The following MRFAP1L2 variants were observed in gnomAD, a reference collection of about 807,000 sequenced individuals.
MRFAP1L2 encodes the protein Morf4 family associated protein 1 like 2, also known as MORF4 family-associated protein 1-like protein UPP.
At chr4:6,674,155 G>C in the MRFAP1L2 span, 18 of 384,876 alleles carry the variant, frequency 4.7e-5, no homozygotes, top group African/African-American at 3.5e-4. Context: ...AGGCTTCCGC[G>C]CTCGCTGCTG....
At chr4:6,674,368 C>A in the MRFAP1L2 span, 27 of 647,348 alleles carry the variant, frequency 4.2e-5, no homozygotes, top group Non-Finnish European at 5.8e-5. Context: ...TGCTGGAGAT[C>A]CAGAGCCTGC....
At chr4:6,674,367 TC>T in the MRFAP1L2 span, 1 of 646,440 alleles carries the variant, frequency 1.5e-6, no homozygotes, top group Non-Finnish European at 2.8e-6. Context: ...CTGCTGGAGA[TC>T]CAGAGCCTGC....
chr4:6,674,302 C>T, the MRFAP1L2 span: 4 of 581,516 alleles, frequency 6.9e-6, no homozygotes, highest in East Asian at 3.5e-5. Flanking sequence ...GCCGCGAGAA[C>T]CTGGCCTCCC....
chr4:6,674,210 G>A, the MRFAP1L2 span: 1 of 396,754 alleles, frequency 2.5e-6, no homozygotes. Context: ...AGGCGGCGGC[G>A]TGATGCGGCC....
chr4:6,675,093 C>T, the MRFAP1L2 span: 1 of 152,488 alleles, frequency 6.6e-6, no homozygotes, highest in East Asian at 1.9e-4. Context: ...TGTTTTTCTG[C>T]CTGCGTTTTC....
the MRFAP1L2 span, chr4:6,674,410 G>A: frequency 1.5e-6 from 1 of 654,736 alleles, no homozygotes; most frequent in Admixed American, 2.3e-5. Context: ...TGGAGGCAGA[G>A]GAGCGGGGCG....
chr4:6,675,784 G>A, the MRFAP1L2 span: 1 of 152,116 alleles, frequency 6.6e-6, no homozygotes, highest in Non-Finnish European at 1.5e-5. Flanking sequence ...ACCTCTTCAG[G>A]GGCCCAGAGT....
chr4:6,674,327 G>T, the MRFAP1L2 span: 5 of 625,200 alleles, frequency 8.0e-6, no homozygotes, highest in Non-Finnish European at 1.4e-5. Flanking sequence ...GCGCGAGCGC[G>T]CCCGGGCGCA....
chr4:6,674,586 C>G, the MRFAP1L2 span: 6 of 627,490 alleles, frequency 9.6e-6, no homozygotes, highest in African/African-American at 1.2e-4. Context: ...GGCGAGGCCG[C>G]GCGGGTCTGG....
At chr4:6,674,259 C>T in the MRFAP1L2 span, 18 of 442,582 alleles carry the variant, frequency 4.1e-5, no homozygotes, top group Admixed American at 1.7e-4. Context: ...CGCGAGGAGC[C>T]GGGCAGCCCG....
chr4:6,675,008 A>T, the MRFAP1L2 span: 1 of 156,174 alleles, frequency 6.4e-6, no homozygotes, highest in Non-Finnish European at 1.4e-5. Context: ...CAACTGACGA[A>T]CTGTGTTCAC....
the MRFAP1L2 span, chr4:6,674,181 G>T: frequency 5.1e-6 from 2 of 390,750 alleles, no homozygotes; most frequent in Non-Finnish European, 4.5e-6. Flanking sequence ...CAGCCCCGGC[G>T]TGCCCCGCGG....
chr4:6,675,520 T>C, the MRFAP1L2 span: 4 of 152,184 alleles, frequency 2.6e-5, no homozygotes, highest in African/African-American at 9.7e-5. Context: ...AGAGTGGCAG[T>C]GTGTGGATTT....
chr4:6,674,992 G>A, the MRFAP1L2 span: 1,079 of 158,098 alleles, frequency 6.8e-3, 7 homozygotes, highest in South Asian at 0.025. Flanking sequence ...TTGTACTTTA[G>A]GTGGCCAACT....
At chr4:6,674,087 C>G in the MRFAP1L2 span, 1 of 387,172 alleles carries the variant, frequency 2.6e-6, no homozygotes, top group Non-Finnish European at 4.6e-6. Flanking sequence ...TTTTGGATAC[C>G]GTCCTCGCTG....
the MRFAP1L2 span, chr4:6,674,836 C>T: frequency 4.8e-6 from 2 of 412,696 alleles, no homozygotes; most frequent in South Asian, 9.6e-5. Context: ...ATGCTGGAAA[C>T]GTGTGAATGT....
At chr4:6,675,835 A>G in the MRFAP1L2 span, 1 of 152,222 alleles carries the variant, frequency 6.6e-6, no homozygotes, top group Non-Finnish European at 1.5e-5. Context: ...TGGGGGTCCC[A>G]AACAGTCATT....
At chr4:6,674,113 A>G in the MRFAP1L2 span, 1 of 381,446 alleles carries the variant, frequency 2.6e-6, no homozygotes, top group Non-Finnish European at 4.6e-6. Context: ...AGTTGGGGCA[A>G]CCTGTTGCTA....
chr4:6,674,179 G>A, the MRFAP1L2 span: 1 of 391,118 alleles, frequency 2.6e-6, no homozygotes, highest in East Asian at 3.8e-5. Flanking sequence ...AGCAGCCCCG[G>A]CGTGCCCCGC....
Sources: allele counts gnomAD v4.1 joint callset, GRCh38; gene constraint gnomAD v4.1.1; transcripts MANE v1.5; gene names NCBI Gene and HGNC (gene_info 2026-07-23, HGNC 2026-07-21).